POLQ: variants seen among roughly 807,000 people sequenced by gnomAD.
POLQ encodes epididymis secretory sperm binding protein.
Under a neutral mutation model 259.2 loss-of-function variants are expected in POLQ, and 233 were observed. That is an observed-to-expected ratio of 0.90 (90% CI 0.81 to 1.00). POLQ has a LOEUF of 1.00. POLQ is among the 50% of genes least tolerant of loss of function. The pLI is 0.00. For synonymous variants in POLQ, 1,025 were observed against 1,048.8 expected (o/e 0.98, Z 0.44); for missense variants, 2,871 against 3,051.6 (o/e 0.94, Z 1.39).
At chr3:121,444,062 A>C (rs1177084934) in intron 26 of POLQ, among the ~76,000 whole-genome samples, 1 of 151,052 alleles carries the variant, frequency 6.6e-6, no homozygotes, top group Non-Finnish European at 1.5e-5. Flanking sequence ...AGCTTTGGCT[A>C]TTCTAGGTCT....
chr3:121,440,252 T>C (rs1047181184), intron 26 of POLQ, 136 bp from the exon 27 acceptor site: 25 of 615,362 alleles, frequency 4.1e-5, no homozygotes. Context: ...AAATCAGGCA[T>C]GCGAACTTTC....
intron 4 of POLQ, among the ~76,000 whole-genome samples, chr3:121,538,798 C>T (rs556880283): frequency 6.6e-6 from 1 of 152,190 alleles, no homozygotes; most frequent in Admixed American, 6.5e-5. Flanking sequence ...CACCCTCCAC[C>T]CCTACCCTAC....
In POLQ at chr3:121,545,614, G is replaced by T; in HGVS notation, c.163+101C>A. ...GAGAAGGGGAGTAGAAGCCCAATGG[G>T]GTATGCAACGAAGCAAGTCCCGTGG... On this transcript the variant is annotated intron_variant, in intron 1 of 29. Transcript: ENST00000264233. The T allele has an allele frequency of 1.8e-6, 2 of 1,120,674 alleles. 1 individual carries two copies. Among genetic ancestry groups the T allele is most frequent in the South Asian group, 3.2e-5 (2 of 63,456 alleles). The allele number at this position is 1,120,674 out of a possible 1,614,324, so 69.4% of individuals were successfully genotyped here.
At chr3:121,527,643 A>C (rs1416245762) in intron 7 of POLQ, among the ~76,000 whole-genome samples, 3 of 152,230 alleles carry the variant, frequency 2.0e-5, no homozygotes, top group Non-Finnish European at 4.4e-5. Context: ...AGCTCGATGC[A>C]TTTATCTTAA....
intron 25 of POLQ, among the ~76,000 whole-genome samples, chr3:121,450,386 A>G (rs1391542226): frequency 6.7e-6 from 1 of 149,014 alleles, no homozygotes; most frequent in African/African-American, 2.5e-5. Flanking sequence ...TTTTTTTATT[A>G]TACTTTAAGT....
At chr3:121,457,481 C>T (rs2108782583) in intron 25 of POLQ, among the ~76,000 whole-genome samples, 1 of 152,260 alleles carries the variant, frequency 6.6e-6, no homozygotes, top group Non-Finnish European at 1.5e-5. Flanking sequence ...TCGCAACCTA[C>T]TCATCTGACA....
rs143607125 is a variant in POLQ at position 121,509,704 on chromosome 3, C to G, written c.1817-1G>C. Reference sequence around the variant, plus strand: ...AGATGTGTTGGATGATACACCTTTCCTGGTTTAGGGTTAGGGTGAGGAAAC... The same window carrying G: ...AGATGTGTTGGATGATACACCTTTCGTGGTTTAGGGTTAGGGTGAGGAAAC... On this transcript the variant is annotated splice_acceptor_variant, in intron 11 of 29. Transcript: ENST00000264233. LOFTEE classifies it high-confidence loss of function. The G allele has an allele frequency of 6.2e-7, 1 of 1,611,980 alleles. No individual in the cohort carries two copies.
Position 121,519,934 on chromosome 3 carries a change from G to A in POLQ, c.1405C>T (p.Leu469=), listed in dbSNP as rs774042514. The change falls in exon 9 of 30, where the codon CTA becomes TTA. Residue 469 remains leucine, a synonymous_variant. Coordinates refer to ENST00000264233, the MANE Select transcript of POLQ (RefSeq NM_199420.4). ...ATCTGCTTATAAGTAAGAATATCTAGAGGTCGACCACCAAAAATAGGGGTT... is the reference window on the plus strand; with the variant it reads ...ATCTGCTTATAAGTAAGAATATCTAAAGGTCGACCACCAAAAATAGGGGTT... ...IRTPIFGGRP[L]DILTYKQMVG... is the part of the protein sequence containing the mutation. 6.2e-7 allele frequency: 1 copy of A among 1,611,446 alleles called. No individual in the cohort carries two copies. The highest frequency in any genetic ancestry group is 8.5e-7 in the Non-Finnish European group (1 of 1,177,774).
chr3:121,522,634 G>C (rs571235002), intron 7 of POLQ, among the ~76,000 whole-genome samples: 1 of 152,222 alleles, frequency 6.6e-6, no homozygotes, highest in African/African-American at 2.4e-5. Context: ...GAATACTGAT[G>C]CCTGGTTCTT....
At chr3:121,504,869 G>T (rs2048197346) in intron 12 of POLQ, among the ~76,000 whole-genome samples, 1 of 152,118 alleles carries the variant, frequency 6.6e-6, no homozygotes, top group Non-Finnish European at 1.5e-5. Flanking sequence ...ATGATGCAAT[G>T]AGTTAAGACT....
At chr3:121,493,455 T>TGTA (rs1225823249) in intron 15 of POLQ, 23 bp downstream of exon 15, 1 of 1,576,576 alleles carries the variant, frequency 6.3e-7, no homozygotes, top group South Asian at 1.1e-5. Flanking sequence ...CATAAGCCCA[T>TGTA]GTAGGTAAAG....
intron 1 of POLQ, 62 bp from the exon 2 acceptor site, chr3:121,544,968 G>T: frequency 9.9e-7 from 1 of 1,012,528 alleles, no homozygotes; most frequent in Non-Finnish European, 1.4e-6. Context: ...TTTACAGTTA[G>T]CCCTTCACCG....
rs1056615596 is a variant in POLQ, at chr3:121,441,423, A to G, written c.7265-1307T>C. ...CATGATCACCCTCAGACACTCACTC[A>G]TCTGCTTTATGATACTCTTAAGTTT... On this transcript the variant is annotated intron_variant, in intron 26 of 29. Transcript: ENST00000264233. Among the ~76,000 whole-genome samples, 3 of 152,184 alleles carry G rather than the reference A, an allele frequency of 2.0e-5. No homozygotes were observed. In the South Asian group the frequency reaches 6.2e-4, roughly 31 times the overall value.
Position 121,489,052 on chromosome 3 carries a change from T to C in POLQ, c.3879A>G (p.Glu1293=), listed in dbSNP as rs1208287624. Residue 1293 remains glutamate (E), a synonymous_variant, in exon 16 of 30, where the codon GAA becomes GAG. Transcript: ENST00000264233. The part of the protein sequence containing the change: ...ENFLNISRLQ[E]KTGTYTTNKT... ...TGTTTGTTGTATAAGTACCTGTTTT[T>C]TCTTGTAGTCTAGAAATATTTAGAA... The C allele has an allele frequency of 6.2e-7, 1 of 1,613,536 alleles. No individual in the cohort carries two copies. Among genetic ancestry groups the C allele is most frequent in the Non-Finnish European group, 8.5e-7 (1 of 1,179,564 alleles).
At chr3:121,461,694 G>A (rs1456003123) in intron 24 of POLQ, among the ~76,000 whole-genome samples, 4 of 149,420 alleles carry the variant, frequency 2.7e-5, no homozygotes, top group African/African-American at 7.4e-5. Flanking sequence ...CATGAAAAAA[G>A]CAAGGTACAC....
Position 121,528,182 on chromosome 3 carries a change from C to T in POLQ, c.1108+1463G>A, listed in dbSNP as rs186933419. On this transcript the variant is annotated intron_variant, in intron 7 of 29. Coordinates refer to ENST00000264233, the MANE Select transcript of POLQ (RefSeq NM_199420.4). ...TGTCACCTAGGTTAGAGTAAAGTGG[C>T]GTGATCTCGGCTCACTGCAGCCTCC... is the stretch of plus-strand genomic sequence containing the variant. Among the ~76,000 whole-genome samples the T allele has an allele frequency of 2.0e-4, 30 of 152,108 alleles. No individual in the cohort carries two copies. In the East Asian group the frequency reaches 4.6e-3, roughly 24 times the overall value.
At chr3:121,442,876 T>C (rs2047605279) in intron 26 of POLQ, among the ~76,000 whole-genome samples, 1 of 152,180 alleles carries the variant, frequency 6.6e-6, no homozygotes, top group Admixed American at 6.5e-5. Flanking sequence ...TGTTTTGTTT[T>C]TGAGATGGAG....
intron 7 of POLQ, among the ~76,000 whole-genome samples, chr3:121,528,563 G>A (rs930708476): frequency 8.6e-5 from 13 of 151,778 alleles, no homozygotes; most frequent in Non-Finnish European, 1.9e-4. Flanking sequence ...GGCTGGTCTC[G>A]AACTCCTGAC....
intron 14 of POLQ, among the ~76,000 whole-genome samples, chr3:121,495,180 A>T (rs2048105628): frequency 1.3e-5 from 2 of 152,100 alleles, no homozygotes; most frequent in Admixed American, 1.3e-4. Context: ...CTGAGGCAGG[A>T]GAACCACTTG....
Sources: allele counts gnomAD v4.1 joint callset (sites outside exome capture counted in the v4.1 genomes callset), GRCh38; gene constraint gnomAD v4.1.1; transcripts MANE v1.5; gene names NCBI Gene and HGNC (gene_info 2026-07-23, HGNC 2026-07-21).